The following PITPNM3 variants were observed in gnomAD, a reference collection of about 807,000 sequenced individuals.
PITPNM3 encodes membrane-associated phosphatidylinositol transfer protein 3.
In PITPNM3, 26 loss-of-function variants were observed where a neutral mutation model predicts 102.0. The ratio of observed to expected loss-of-function variants is 0.25; its 90% CI spans 0.19 to 0.35. The LOEUF is 0.35. PITPNM3 is among the 10% of genes least tolerant of loss of function. The pLI is 1.00. For missense variants in PITPNM3, 1,083 were observed against 1,346.1 expected, an observed-to-expected ratio of 0.80 and a Z score of 3.06; for synonymous variants, 578 against 558.6, an observed-to-expected ratio of 1.03 and a Z score of -0.49.
chr17:6,455,473 C>G lies in PITPNM3; in HGVS notation c.2790G>C (p.Gln930His), dbSNP rs1340979128. The change falls in exon 20 of 20, where the codon CAG becomes CAC. Residue 930 changes from glutamine (Q) to histidine (H), a missense_variant. By Grantham distance (24) the Gln-to-His change is conservative. Coordinates refer to ENST00000262483, the MANE Select transcript of PITPNM3 (RefSeq NM_031220.4). ...RNHLRRTMSVQQPDPPAANPK... is the reference protein window; with the variant it reads ...RNHLRRTMSVHQPDPPAANPK... ...GGTTGGCGGCGGGCGGGTCGGGCTG[C>G]TGCACTGACATGGTTCTGCGCAGGT... is the stretch of plus-strand genomic sequence containing the variant. The G allele has an allele frequency of 6.2e-7, 1 of 1,605,276 alleles. No homozygotes were observed. Among genetic ancestry groups the G allele is most frequent in the Non-Finnish European group, 8.5e-7 (1 of 1,179,532 alleles).
At chr17:6,535,015 T>C (rs1909338305) in intron 2 of PITPNM3, among the ~76,000 whole-genome samples, 1 of 152,052 alleles carries the variant, frequency 6.6e-6, no homozygotes. Flanking sequence ...TAGACATCCA[T>C]GGCAGCCAAG....
Position 6,478,157 on chromosome 17 carries a change from C to T in PITPNM3, c.778-60G>A. On this transcript the variant is annotated intron_variant, in intron 7 of 19. Transcript: ENST00000262483. The surrounding 1 kb of genome is among the most constrained non-coding windows in gnomAD (Gnocchi z 4.4). ...CACTGCTGACCCCTCACCCCCACACCCGGCCAGAGCAGTGCTGCCTCCCCA... is the reference window on the plus strand; with the variant it reads ...CACTGCTGACCCCTCACCCCCACACTCGGCCAGAGCAGTGCTGCCTCCCCA... 1 of 1,606,774 alleles carries T rather than the reference C, an allele frequency of 6.2e-7. No individual in the cohort carries two copies. Among genetic ancestry groups the T allele is most frequent in the East Asian group, 2.2e-5 (1 of 44,832 alleles).
chr17:6,492,087 C>T (rs1213309879), intron 4 of PITPNM3, among the ~76,000 whole-genome samples: 6 of 137,688 alleles, frequency 4.4e-5, no homozygotes, highest in Non-Finnish European at 7.7e-5. Context: ...TTTTTTGAGA[C>T]AGAGTCTCAC....
At chr17:6,489,994 G>A (rs190942933) in intron 4 of PITPNM3, among the ~76,000 whole-genome samples, 27 of 151,354 alleles carry the variant, frequency 1.8e-4, no homozygotes, top group African/African-American at 6.4e-4. Flanking sequence ...CAGACAGAGC[G>A]AGACTCCATC....
At chr17:6,552,297 C>A (rs1488022781) in intron 1 of PITPNM3, among the ~76,000 whole-genome samples, 3 of 152,144 alleles carry the variant, frequency 2.0e-5, no homozygotes, top group Non-Finnish European at 4.4e-5. Context: ...CCTGCCTAAC[C>A]TGGGGACCTG....
intron 3 of PITPNM3, among the ~76,000 whole-genome samples, chr17:6,506,352 T>C (rs1286399648): frequency 6.7e-6 from 1 of 149,866 alleles, no homozygotes; most frequent in Non-Finnish European, 1.5e-5. Flanking sequence ...CCTTCCTTCC[T>C]TTCTATTCTT....
In PITPNM3 at chr17:6,455,380, G is replaced by C. The variant is rs777090771; in HGVS notation, c.2883C>G (p.Leu961=). 4 of 1,591,962 alleles carry C rather than the reference G, an allele frequency of 2.5e-6. No homozygotes were observed. Among genetic ancestry groups the C allele is most frequent in the Non-Finnish European group, 1.7e-6 (2 of 1,170,682 alleles). Residue 961 remains leucine, a synonymous_variant, in exon 20 of 20, where the codon CTC becomes CTG. Coordinates refer to ENST00000262483, the MANE Select transcript of PITPNM3 (RefSeq NM_031220.4). ...ACTTGGGGGGCCCACGCGCCCAGCT[G>C]AGCGCCGGCAGCGGCCGCTCGTGGT... The part of the protein sequence containing the change: ...DKDHERPLPA[L]SWARGPPKFE...
chr17:6,465,694 G>T (rs572162621), intron 14 of PITPNM3, among the ~76,000 whole-genome samples: 2 of 152,186 alleles, frequency 1.3e-5, no homozygotes, highest in South Asian at 4.2e-4. Flanking sequence ...TGGACGCTGC[G>T]TCATTTTATC....
At position 6,474,512 on chromosome 17, in the gene PITPNM3, T is replaced by A. The variant is rs1905209224; in HGVS notation, c.1178A>T (p.Asp393Val). 3 of 1,613,056 alleles carry A rather than the reference T, an allele frequency of 1.9e-6. No individual in the cohort carries two copies. In the African/African-American group the frequency reaches 4.0e-5, roughly 22 times the overall value. ...GCCGAAGAGGAAGAAGTCGGACACA[T>A]CGAAGTCAAAGCGGCCCAGGCTGAC... ...PEVSLGRFDF[D>V]VSDFFLFGSP... Residue 393 changes from aspartate (D) to valine (V), a missense_variant, in exon 10 of 20, where the codon GAT (aspartate) becomes GTT (valine). Asp to Val is a radical substitution (Grantham distance 152). Around this residue, in one of 5 missense-constraint regions of PITPNM3, gnomAD observed 172 missense variants for 175.6 expected, o/e 0.98. Coordinates refer to ENST00000262483, the MANE Select transcript of PITPNM3 (RefSeq NM_031220.4).
chr17:6,477,830 G>T, intron 8 of PITPNM3, 145 bp downstream of exon 8: 1 of 1,412,734 alleles, frequency 7.1e-7, no homozygotes, highest in Non-Finnish European at 9.8e-7. Context: ...ACAGGCATGA[G>T]CCACTGCGCC....
chr17:6,482,995 A>G (rs1197239898), intron 6 of PITPNM3, among the ~76,000 whole-genome samples: 1 of 149,860 alleles, frequency 6.7e-6, no homozygotes, highest in Non-Finnish European at 1.5e-5. Flanking sequence ...CCCAGGCTGG[A>G]GTGCAGTGGT....
At chr17:6,530,244 C>T (rs1337769169) in intron 2 of PITPNM3, among the ~76,000 whole-genome samples, 1 of 152,192 alleles carries the variant, frequency 6.6e-6, no homozygotes, top group Admixed American at 6.5e-5. Context: ...TTGGAAACTG[C>T]CGGGAGGCTG....
chr17:6,514,152 T>G (rs1411821826), intron 3 of PITPNM3, among the ~76,000 whole-genome samples: 1 of 152,134 alleles, frequency 6.6e-6, no homozygotes. Context: ...GTTAAAACTA[T>G]AAAACTTTAC....
chr17:6,526,656 TAAC>T (rs1908852773), intron 2 of PITPNM3, among the ~76,000 whole-genome samples: 1 of 152,212 alleles, frequency 6.6e-6, no homozygotes, highest in Admixed American at 6.5e-5. Context: ...TTGATTGACT[TAAC>T]AACACTTATC....
At chr17:6,464,811 G>C (rs755204104) in intron 14 of PITPNM3, 40 bp from the exon 15 acceptor site, 11 of 1,591,632 alleles carry the variant, frequency 6.9e-6, no homozygotes, top group Non-Finnish European at 5.2e-6. Flanking sequence ...CCTTGCAAGG[G>C]AGGCTCAACC....
rs138392172 is a variant in PITPNM3 at position 6,503,144 on chromosome 17, C to T, written c.274+383G>A. Among the ~76,000 whole-genome samples, 71 of 152,306 alleles carry T rather than the reference C, an allele frequency of 4.7e-4. 1 individual carries two copies. The East Asian group carries it at 0.012, about 27-fold the overall frequency. On this transcript the variant is annotated intron_variant, in intron 4 of 19. Transcript: ENST00000262483. Reference sequence around the variant, plus strand: ...AGTTGTGTCACCCAAAAGTGATGGGCACAGGGGCCATGTTCCCCATCCCCG... The same window carrying T: ...AGTTGTGTCACCCAAAAGTGATGGGTACAGGGGCCATGTTCCCCATCCCCG...
At chr17:6,499,106 C>G (rs1263940365) in intron 4 of PITPNM3, among the ~76,000 whole-genome samples, 1 of 152,044 alleles carries the variant, frequency 6.6e-6, no homozygotes, top group Non-Finnish European at 1.5e-5. Flanking sequence ...AAGTCCAAGG[C>G]CCTCTCTCTT....
At chr17:6,506,851 T>C (rs914822675) in intron 3 of PITPNM3, among the ~76,000 whole-genome samples, 3 of 152,136 alleles carry the variant, frequency 2.0e-5, no homozygotes, top group Admixed American at 1.3e-4. Context: ...TGAGTGACAG[T>C]TGGAAAGTTG....
chr17:6,547,815 A>C (rs1434989310), intron 1 of PITPNM3, among the ~76,000 whole-genome samples: 1 of 151,244 alleles, frequency 6.6e-6, no homozygotes, highest in Non-Finnish European at 1.5e-5. Context: ...GGCTCACTGC[A>C]ACCTCCGCCT....
Sources: gnomAD v4.1 joint callset for allele counts (sites outside exome capture counted in the v4.1 genomes callset) on GRCh38, gnomAD v4.1.1 for gene constraint, gnomAD v4.1.1 regional missense constraint, Gnocchi (gnomAD v3.1) non-coding constraint, MANE v1.5 for transcripts, NCBI Gene and HGNC (gene_info 2026-07-23, HGNC 2026-07-21) for gene names.